Variants in DLGAP1 observed in about 807,000 individuals in gnomAD.
DLGAP1 encodes disks large-associated protein 1.
Under a neutral mutation model 90.8 loss-of-function variants are expected in DLGAP1, and 11 were observed. The ratio of observed to expected loss-of-function variants is 0.12; its 90% CI spans 0.08 to 0.20. The LOEUF (loss-of-function observed/expected upper bound fraction) is 0.20, where lower values mean the gene tolerates loss of function less well. DLGAP1 is among the 10% of genes least tolerant of loss of function. The pLI is 1.00. For missense variants in DLGAP1, 1,050 were observed against 1,333.8 expected, an observed-to-expected ratio of 0.79 and a Z score of 3.31; for synonymous variants, 558 against 540.7, an observed-to-expected ratio of 1.03 and a Z score of -0.44.
At position 3,600,983 on chromosome 18, in the gene DLGAP1, T is replaced by TATATAG. The variant is rs1313185215; in HGVS notation, c.1592-18736_1592-18735insCTATAT. Among the ~76,000 whole-genome samples the TATATAG allele has an allele frequency of 3.9e-4, 30 of 76,034 alleles. 1 individual carries two copies. The highest frequency in any genetic ancestry group is 6.8e-4 in the Non-Finnish European group (22 of 32,244). The allele number at this position is 76,034 out of a possible 152,430, so 49.9% of individuals were successfully genotyped here. ...ATAGATATATAGATAGATATATAGA[T>TATATAG]ATAGATATATAGATATATAGATATA... On this transcript the variant is annotated intron_variant, in intron 7 of 12. Transcript: ENST00000315677.
At chr18:3,721,437 A>C (rs886817412) in intron 7 of DLGAP1, 2 of 152,188 alleles carry the variant, frequency 1.3e-5, no homozygotes, top group African/African-American at 4.8e-5. Flanking sequence ...AAAACGACTA[A>C]GTGTAACAGG....
chr18:3,869,253 G>A (rs2070594398), intron 4 of DLGAP1, among the ~76,000 whole-genome samples: 1 of 151,658 alleles, frequency 6.6e-6, no homozygotes, highest in South Asian at 2.1e-4. Flanking sequence ...CTGATCCACT[G>A]AGGCTGAGCT....
chr18:3,876,694 G>A (rs913948532), intron 4 of DLGAP1, among the ~76,000 whole-genome samples: 1 of 152,150 alleles, frequency 6.6e-6, no homozygotes, highest in East Asian at 1.9e-4. Context: ...TGTATGACGG[G>A]TGATGTATAC....
At chr18:4,218,687 A>G (rs2078010614) in intron 1 of DLGAP1, among the ~76,000 whole-genome samples, 3 of 151,938 alleles carry the variant, frequency 2.0e-5, no homozygotes. Flanking sequence ...CAACTTTTTA[A>G]GATTCCACAT....
intron 2 of DLGAP1, among the ~76,000 whole-genome samples, chr18:4,117,604 C>A (rs1351710620): frequency 6.6e-6 from 1 of 152,212 alleles, no homozygotes; most frequent in Admixed American, 6.5e-5. Flanking sequence ...GCCAGTTCTA[C>A]TTTTACTCTT....
chr18:3,920,272 A>G (rs772839989), intron 3 of DLGAP1, among the ~76,000 whole-genome samples: 6 of 149,238 alleles, frequency 4.0e-5, no homozygotes, highest in African/African-American at 7.4e-5. Context: ...GAACCTGGGA[A>G]GCAGAGGTTG....
At chr18:4,075,028 G>C (rs139444923) in intron 2 of DLGAP1, among the ~76,000 whole-genome samples, 3 of 152,124 alleles carry the variant, frequency 2.0e-5, no homozygotes, top group Admixed American at 2.0e-4. Flanking sequence ...GAAGGTCAAA[G>C]CTTTTGTCTC....
At chr18:3,763,732 C>T (rs1296228078) in intron 5 of DLGAP1, among the ~76,000 whole-genome samples, 2 of 151,076 alleles carry the variant, frequency 1.3e-5, no homozygotes, top group East Asian at 1.9e-4. Context: ...GGCGTGATCT[C>T]GTCTCACTGC....
chr18:4,053,753 T>C (rs549871658), intron 2 of DLGAP1, among the ~76,000 whole-genome samples: 2 of 152,282 alleles, frequency 1.3e-5, no homozygotes, highest in Admixed American at 1.3e-4. Flanking sequence ...ATTACCCAGG[T>C]AGTTTATAAA....
At position 3,729,318 on chromosome 18, in the gene DLGAP1, C is replaced by G. The variant is rs771259225; in HGVS notation, c.1408G>C (p.Glu470Gln). ...FESVCESVFS[E>Q]LESQAVEALD... ...GCTTCCACGGCCTGCGACTCCAGCT[C>G]GCTGAACACGGACTCGCACACGGAC... The change falls in exon 7 of 13, where the codon GAG becomes CAG. Residue 470 changes from glutamate (E) to glutamine (Q), a missense_variant. Around this residue, in one of 2 missense-constraint regions of DLGAP1, gnomAD observed 565 missense variants for 879.7 expected, o/e 0.64. Coordinates refer to ENST00000315677, the MANE Select transcript of DLGAP1 (RefSeq NM_004746.4). The surrounding 1 kb of genome is among the most constrained non-coding windows in gnomAD (Gnocchi z 6.2). The G allele has an allele frequency of 3.1e-6, 5 of 1,614,148 alleles. No individual in the cohort carries two copies. The highest frequency in any genetic ancestry group is 4.2e-6 in the Non-Finnish European group (5 of 1,179,994).
chr18:4,406,065 GCGTGGCCTGCAACCAATCAGAGA>G (rs1390973233), intron 1 of DLGAP1, among the ~76,000 whole-genome samples: 1 of 152,142 alleles, frequency 6.6e-6, no homozygotes. Flanking sequence ...GTAAGTGAAG[GCGTGGCCTGCAACCAATCAGAGA>G]CTTACGTTAC....
At chr18:4,284,897 T>G (rs1463571529) in intron 1 of DLGAP1, among the ~76,000 whole-genome samples, 1 of 152,222 alleles carries the variant, frequency 6.6e-6, no homozygotes, top group African/African-American at 2.4e-5. Flanking sequence ...CTATCTGATG[T>G]ACAATGCTGA....
At chr18:4,202,017 G>A (rs1568448132) in intron 1 of DLGAP1, among the ~76,000 whole-genome samples, 2 of 152,012 alleles carry the variant, frequency 1.3e-5, no homozygotes, top group African/African-American at 4.8e-5. Context: ...AGAGACCCCT[G>A]AGCTTTTATG....
chr18:4,018,222 A>G (rs2074553905), intron 2 of DLGAP1, among the ~76,000 whole-genome samples: 1 of 152,156 alleles, frequency 6.6e-6, no homozygotes, highest in Non-Finnish European at 1.5e-5. Flanking sequence ...TCTGGGCAAA[A>G]CCACTATGAC....
chr18:3,728,345 G>A (rs985779436), intron 7 of DLGAP1, among the ~76,000 whole-genome samples: 8 of 143,530 alleles, frequency 5.6e-5, no homozygotes, highest in African/African-American at 1.0e-4. Context: ...TCATATGCAC[G>A]CATTGTCATA....
At position 3,501,099 on chromosome 18, in the gene DLGAP1, G is replaced by C. The variant is rs528038535; in HGVS notation, c.2724+1394C>G. On this transcript the variant is annotated intron_variant, in intron 12 of 12. Coordinates refer to ENST00000315677, the MANE Select transcript of DLGAP1 (RefSeq NM_004746.4). ...CCAGCTAATTTTTGTACTTTTTGTA[G>C]AGACGGCGTTTCACCATATTGTTGC... Among the ~76,000 whole-genome samples, 11 of 151,128 alleles carry C rather than the reference G, an allele frequency of 7.3e-5. No homozygotes were observed. The East Asian group carries it at 2.1e-3, about 29-fold the overall frequency.
intron 5 of DLGAP1, among the ~76,000 whole-genome samples, chr18:3,807,288 C>T (rs2066611640): frequency 6.6e-6 from 1 of 152,182 alleles, no homozygotes; most frequent in Non-Finnish European, 1.5e-5. Flanking sequence ...TTCCTTTCCC[C>T]TCCATTATTA....
At position 3,556,104 on chromosome 18, in the gene DLGAP1, G is replaced by A. The variant is rs1039478976; in HGVS notation, c.2057+11386C>T. ...CACACTGAGGTTAATGCTATAGTCC[G>A]CTTTCCTCCAACCCCTTTTTAAAAT... On this transcript the variant is annotated intron_variant, in intron 9 of 12. Coordinates refer to ENST00000315677, the MANE Select transcript of DLGAP1 (RefSeq NM_004746.4). 7.2e-5 allele frequency among the ~76,000 whole-genome samples: 11 copies of A among 152,252 alleles called. No homozygotes were observed. The East Asian group carries it at 1.2e-3, about 16-fold the overall frequency.
At chr18:3,781,484 C>G (rs2065189031) in intron 5 of DLGAP1, among the ~76,000 whole-genome samples, 1 of 152,138 alleles carries the variant, frequency 6.6e-6, no homozygotes, top group Admixed American at 6.5e-5. Flanking sequence ...TCCCGAGTAG[C>G]TGGGACTGCA....
Sources: gnomAD v4.1 joint callset for allele counts (sites outside exome capture counted in the v4.1 genomes callset) on GRCh38, gnomAD v4.1.1 for gene constraint, gnomAD v4.1.1 regional missense constraint, Gnocchi (gnomAD v3.1) non-coding constraint, MANE v1.5 for transcripts, NCBI Gene and HGNC (gene_info 2026-07-23, HGNC 2026-07-21) for gene names.